DNMT3A: variants seen among roughly 807,000 people sequenced by gnomAD.
DNMT3A encodes DNA (cytosine-5)-methyltransferase 3A.
DNMT3A carries 267 observed loss-of-function variants against 117.6 expected under a neutral mutation model. That is an observed-to-expected ratio of 2.27 (90% CI 2.05 to 2.51). The LOEUF (loss-of-function observed/expected upper bound fraction) is 2.51, where lower values mean the gene tolerates loss of function less well. Among genes scored for constraint, DNMT3A ranks in the 30% most tolerant of loss-of-function variants. The pLI is 0.00. For synonymous variants in DNMT3A, 432 were observed against 474.8 expected, an observed-to-expected ratio of 0.91 and a Z score of 1.17; for missense variants, 1,029 against 1,260.2, an observed-to-expected ratio of 0.82 and a Z score of 2.78.
chr2:25,329,673 CCACACACACACACACACA>C (rs55905204), intron 1 of DNMT3A, among the ~76,000 whole-genome samples: 5 of 138,390 alleles, frequency 3.6e-5, no homozygotes, highest in Non-Finnish European at 6.1e-5. Flanking sequence ...CATGCAGACC[CCACACACACACACACACA>C]CACACACACA....
chr2:25,242,061 C>T (rs996161496), intron 16 of DNMT3A: 1 of 267,154 alleles, frequency 3.7e-6, no homozygotes, highest in Non-Finnish European at 7.1e-6. Flanking sequence ...CCTCTTATCA[C>T]CTCCTGCTAC....
At chr2:25,340,056 C>A (rs2035354049) in intron 1 of DNMT3A, among the ~76,000 whole-genome samples, 1 of 152,224 alleles carries the variant, frequency 6.6e-6, no homozygotes, top group Non-Finnish European at 1.5e-5. Flanking sequence ...GGTCACAGGG[C>A]GGACAGCGCT....
intron 6 of DNMT3A, 31 bp from the exon 7 acceptor site, chr2:25,248,283 G>A (rs376228083): frequency 1.9e-6 from 3 of 1,607,932 alleles, no homozygotes; most frequent in Admixed American, 1.7e-5. Flanking sequence ...AAGTCACCTT[G>A]ACCTCTCCAG....
rs1479742432 is a variant in DNMT3A, at chr2:25,229,373, A to G, written c.*4906T>C. The G allele has an allele frequency of 6.6e-6, 1 of 151,712 alleles. No individual in the cohort carries two copies. The highest frequency in any genetic ancestry group is 1.5e-5 in the Non-Finnish European group (1 of 67,924). The allele number at this position is 151,712 out of a possible 1,614,324, so 9.4% of individuals were successfully genotyped here. On this transcript the variant is annotated 3_prime_UTR_variant, in exon 23 of 23. Coordinates refer to ENST00000321117, the MANE Select transcript of DNMT3A (RefSeq NM_022552.5). The stretch of plus-strand genomic sequence containing the variant: ...CAGCTCCAGACCATTCCTCCACTAC[A>G]CCTTTTCCACCCCCGGGATTGGGAG...
intron 20 of DNMT3A, among the ~76,000 whole-genome samples, 176 bp downstream of exon 20, chr2:25,238,954 T>C (rs927210292): frequency 6.6e-6 from 1 of 152,260 alleles, no homozygotes; most frequent in African/African-American, 2.4e-5. Context: ...ACGAGTATTT[T>C]CTATACCCTG....
chr2:25,229,617 C>G lies in DNMT3A; in HGVS notation c.*4662G>C, dbSNP rs1370031724. The G allele has an allele frequency of 6.6e-6, 1 of 152,278 alleles. No homozygotes were observed. The highest frequency in any genetic ancestry group is 1.5e-5 in the Non-Finnish European group (1 of 68,076). The allele number at this position is 152,278 out of a possible 1,614,324, so 9.4% of individuals were successfully genotyped here. A position where few individuals can be genotyped will look rare whatever the true frequency, so the allele number is the denominator to read the frequency against. Reference sequence around the variant, plus strand: ...CGTGCTCCCGACCAAAGGAAGCAAGCAGCCCTCTTCAGGGCACAGTGCCAG... The same window carrying G: ...CGTGCTCCCGACCAAAGGAAGCAAGGAGCCCTCTTCAGGGCACAGTGCCAG... On this transcript the variant is annotated 3_prime_UTR_variant, in exon 23 of 23. Coordinates refer to ENST00000321117, the MANE Select transcript of DNMT3A (RefSeq NM_022552.5).
At chr2:25,270,765 C>T (rs1353643313) in intron 6 of DNMT3A, among the ~76,000 whole-genome samples, 2 of 151,978 alleles carry the variant, frequency 1.3e-5, no homozygotes, top group Non-Finnish European at 2.9e-5. Context: ...TTGGGAAGGC[C>T]CAGGGAGGCA....
chr2:25,296,276 C>T lies in DNMT3A; in HGVS notation c.177+3863G>A, dbSNP rs1249889018. Among the ~76,000 whole-genome samples, 1 of 152,152 alleles carries T rather than the reference C, an allele frequency of 6.6e-6. No individual in the cohort carries two copies. Among genetic ancestry groups the T allele is most frequent in the African/African-American group, 2.4e-5 (1 of 41,448 alleles). On this transcript the variant is annotated intron_variant, in intron 3 of 22. Transcript: ENST00000321117. The surrounding 1 kb of genome is among the most constrained non-coding windows in gnomAD (Gnocchi z 4.2). Reference sequence around the variant, plus strand: ...CAGTGGCTGAACTGGGCTTCATTTTCAGGCTAGGTTCTACCGGGCTGTGGT... The same window carrying T: ...CAGTGGCTGAACTGGGCTTCATTTTTAGGCTAGGTTCTACCGGGCTGTGGT...
intron 9 of DNMT3A, 89 bp from the exon 10 acceptor site, chr2:25,246,865 G>A (rs1283769485): frequency 4.5e-6 from 7 of 1,561,526 alleles, no homozygotes; most frequent in Non-Finnish European, 6.1e-6. Flanking sequence ...AGTAGTGAGG[G>A]TGGCACAGGC....
chr2:25,278,602 G>C (rs553322165), intron 4 of DNMT3A, among the ~76,000 whole-genome samples: 5 of 152,224 alleles, frequency 3.3e-5, no homozygotes, highest in Non-Finnish European at 5.9e-5. Flanking sequence ...AAGGTGGGCA[G>C]ATCACTTGAG....
At chr2:25,244,377 C>T (rs1047453781) in intron 14 of DNMT3A, 39 bp from the exon 15 acceptor site, 3 of 1,576,808 alleles carry the variant, frequency 1.9e-6, no homozygotes, top group Non-Finnish European at 2.6e-6. Flanking sequence ...ACTCTCAGCC[C>T]TGGTCCGGGG....
At position 25,247,517 on chromosome 2, in the gene DNMT3A, C is replaced by T. The variant is rs1674955280; in HGVS notation, c.1014+74G>A. The T allele has an allele frequency of 1.3e-6, 2 of 1,574,018 alleles. No homozygotes were observed. Among genetic ancestry groups the T allele is most frequent in the Non-Finnish European group, 1.7e-6 (2 of 1,158,004 alleles). On this transcript the variant is annotated intron_variant, in intron 8 of 22. Coordinates refer to ENST00000321117, the MANE Select transcript of DNMT3A (RefSeq NM_022552.5). This position sits in a 1 kb window ranked among gnomAD's most constrained non-coding sequence, Gnocchi z 5.6. ...TCCATCACCCCAATTCCAGACTGCC[C>T]CCAGCCAAAACCACAGGCCCTGGGA...
chr2:25,330,225 G>T (rs1168379566), intron 1 of DNMT3A, among the ~76,000 whole-genome samples: 1 of 152,212 alleles, frequency 6.6e-6, no homozygotes, highest in African/African-American at 2.4e-5. Flanking sequence ...CATTTCATTT[G>T]ATTACAACGC....
At chr2:25,314,855 G>A (rs2034305941) in intron 1 of DNMT3A, among the ~76,000 whole-genome samples, 1 of 152,206 alleles carries the variant, frequency 6.6e-6, no homozygotes, top group Non-Finnish European at 1.5e-5. Flanking sequence ...GGCTTGAGGG[G>A]TCCTCTGAAC....
chr2:25,306,079 T>C lies in DNMT3A; in HGVS notation c.73-5836A>G, dbSNP rs1212879847. ...GACTGTCTGTGGTCATGGAATTCAG[T>C]GAAACGAATTGGCTTCTGCAAGAGG... On this transcript the variant is annotated intron_variant, in intron 2 of 22. Transcript: ENST00000321117. The surrounding 1 kb of genome is among the most constrained non-coding windows in gnomAD (Gnocchi z 4.1). 1.3e-5 allele frequency among the ~76,000 whole-genome samples: 2 copies of C among 152,180 alleles called. No homozygotes were observed. The highest frequency in any genetic ancestry group is 4.8e-5 in the African/African-American group (2 of 41,440).
chr2:25,283,179 A>G (rs1223315305), intron 3 of DNMT3A, among the ~76,000 whole-genome samples: 1 of 152,094 alleles, frequency 6.6e-6, no homozygotes, highest in Non-Finnish European at 1.5e-5. Context: ...CCTGGCCAAC[A>G]TGGAGAAACC....
intron 1 of DNMT3A, among the ~76,000 whole-genome samples, chr2:25,335,753 A>G (rs2035192490): frequency 6.6e-6 from 1 of 152,206 alleles, no homozygotes; most frequent in African/African-American, 2.4e-5. Flanking sequence ...GGGGCAGCTA[A>G]TAACTGGCTC....
chr2:25,285,863 GGA>G (rs1026816112), intron 3 of DNMT3A, among the ~76,000 whole-genome samples: 4 of 152,210 alleles, frequency 2.6e-5, no homozygotes, highest in Admixed American at 2.6e-4. Context: ...CCTGAAAAGT[GGA>G]GTGTACCCCT....
At chr2:25,330,428 C>T (rs749670556) in intron 1 of DNMT3A, among the ~76,000 whole-genome samples, 2 of 152,196 alleles carry the variant, frequency 1.3e-5, no homozygotes, top group South Asian at 2.1e-4. Flanking sequence ...AGCCCCGCTG[C>T]GAAGCCATCT....
Sources: allele counts gnomAD v4.1 joint callset (sites outside exome capture counted in the v4.1 genomes callset), GRCh38; gene constraint gnomAD v4.1.1; non-coding constraint Gnocchi (gnomAD v3.1); transcripts MANE v1.5; gene names NCBI Gene and HGNC (gene_info 2026-07-23, HGNC 2026-07-21).